Variants in PTPRZ1 observed in about 807,000 individuals in gnomAD.
PTPRZ1 encodes protein tyrosine phosphatase receptor type Z1, also known as receptor-type tyrosine-protein phosphatase zeta.
PTPRZ1 carries 82 observed loss-of-function variants against 214.1 expected under a neutral mutation model. The observed-to-expected ratio is 0.38, with a 90% CI of 0.32 to 0.46. The LOEUF (loss-of-function observed/expected upper bound fraction) is 0.46. PTPRZ1 is among the 20% of genes least tolerant of loss of function. The pLI is 1.00. For missense variants in PTPRZ1, 2,603 were observed against 2,748.7 expected (o/e 0.95, Z 1.19); for synonymous variants, 945 against 987.9 (o/e 0.96, Z 0.81).
chr7:122,026,743 A>G (rs1462059012), intron 13 of PTPRZ1, among the ~76,000 whole-genome samples: 1 of 152,178 alleles, frequency 6.6e-6, no homozygotes, highest in Non-Finnish European at 1.5e-5. Context: ...TGATTATCAA[A>G]GGCTTATACT....
At chr7:121,929,517 AAAC>A (rs1358223181) in intron 2 of PTPRZ1, among the ~76,000 whole-genome samples, 1 of 151,736 alleles carries the variant, frequency 6.6e-6, no homozygotes, top group African/African-American at 2.4e-5. Context: ...AAAAAAAAAA[AAAC>A]TTTCAAGCCA....
At chr7:122,034,058 G>T (rs2150471884) in intron 15 of PTPRZ1, 37 bp from the exon 16 acceptor site, 1 of 1,559,166 alleles carries the variant, frequency 6.4e-7, no homozygotes, top group South Asian at 1.1e-5. Context: ...TGTGGAATTT[G>T]ATTTCTTTAC....
chr7:121,880,906 G>A (rs578058933), intron 1 of PTPRZ1, among the ~76,000 whole-genome samples: 6 of 152,234 alleles, frequency 3.9e-5, no homozygotes, highest in Admixed American at 3.3e-4. Flanking sequence ...GAGCATGTGG[G>A]ATATTATTGT....
chr7:121,968,840 ATAG>A (rs1266363577), intron 3 of PTPRZ1, among the ~76,000 whole-genome samples: 1 of 152,154 alleles, frequency 6.6e-6, no homozygotes, highest in Non-Finnish European at 1.5e-5. Flanking sequence ...CAAAATTATA[ATAG>A]TAGCTCTATG....
At chr7:121,967,053 A>AAGTAGAATATACCTGTGCTT (rs1228508400) in intron 2 of PTPRZ1, 1 of 152,170 alleles carries the variant, frequency 6.6e-6, no homozygotes, top group East Asian at 1.9e-4. Flanking sequence ...AAAGAACTTT[A>AAGTAGAATATACCTGTGCTT]AGTAGAATAT....
At chr7:121,911,841 A>G (rs1386894486) in intron 1 of PTPRZ1, among the ~76,000 whole-genome samples, 13 of 152,046 alleles carry the variant, frequency 8.6e-5, no homozygotes, top group Non-Finnish European at 1.2e-4. Context: ...AAGCTATTCA[A>G]TATCTCAATA....
intron 2 of PTPRZ1, among the ~76,000 whole-genome samples, chr7:121,951,783 C>T (rs185270109): frequency 1.1e-4 from 16 of 152,252 alleles, no homozygotes; most frequent in East Asian, 7.7e-4. Flanking sequence ...TCCTTTGCCC[C>T]AGCTTCCTGA....
chr7:121,976,220 A>C lies in PTPRZ1; in HGVS notation c.504A>C (p.Glu168Asp), dbSNP rs1257076255. Residue 168 changes from glutamate to aspartate, a missense_variant, in exon 5 of 30, where the codon GAA (glutamate) becomes GAC (aspartate). Physicochemically the swap from Glu to Asp is conservative, Grantham distance 45. This residue lies in a region of PTPRZ1 where 244 missense variants were observed against 333.2 expected (regional missense o/e 0.73). Coordinates refer to ENST00000393386, the MANE Select transcript of PTPRZ1 (RefSeq NM_002851.3). ...CGGACCGATTTTCAAGTTTTGAGGA[A>C]GCAGTCAAAGGAAAAGGGAAGTTAA... ...FDADRFSSFE[E>D]AVKGKGKLRA... 2.5e-6 allele frequency: 4 copies of C among 1,609,156 alleles called. No individual in the cohort carries two copies. The highest frequency in any genetic ancestry group is 3.4e-6 in the Non-Finnish European group (4 of 1,176,950).
At chr7:122,051,269 G>A (rs1792173385) in intron 23 of PTPRZ1, among the ~76,000 whole-genome samples, 159 bp from the exon 24 acceptor site, 1 of 152,004 alleles carries the variant, frequency 6.6e-6, no homozygotes, top group East Asian at 1.9e-4. Flanking sequence ...CTAAAACAAG[G>A]TTAAATTCAA....
At chr7:121,893,982 C>T (rs1033309922) in intron 1 of PTPRZ1, among the ~76,000 whole-genome samples, 15 of 152,110 alleles carry the variant, frequency 9.9e-5, no homozygotes, top group East Asian at 1.9e-4. Flanking sequence ...ACAACCCGAT[C>T]GTGTGCACAG....
rs533118880 is a variant in PTPRZ1, at chr7:122,049,976, G to A, written c.6085-1452G>A. ...TGTTATGTGGTAGAGTTAACATTAC[G>A]TATCAGTGAAGAAACAGCAGATTAA... On this transcript the variant is annotated intron_variant, in intron 23 of 29. Transcript: ENST00000393386. 1.1e-4 allele frequency among the ~76,000 whole-genome samples: 16 copies of A among 152,246 alleles called. No homozygotes were observed. The South Asian group carries it at 2.5e-3, about 24-fold the overall frequency.
chr7:121,934,594 C>T lies in PTPRZ1; in HGVS notation c.124+6373C>T, dbSNP rs959517117. Among the ~76,000 whole-genome samples, 10 of 150,792 alleles carry T rather than the reference C, an allele frequency of 6.6e-5. No homozygotes were observed. In the South Asian group the frequency reaches 8.4e-4, roughly 13 times the overall value. On this transcript the variant is annotated intron_variant, in intron 2 of 29. Coordinates refer to ENST00000393386, the MANE Select transcript of PTPRZ1 (RefSeq NM_002851.3). ...TTGTGTGCAGATCAAATAGATGCTT[C>T]ACATTGTTGCAGAAAAGCTCTTTGA...
chr7:122,009,728 A>C (rs1161532984), intron 11 of PTPRZ1, among the ~76,000 whole-genome samples: 1 of 152,094 alleles, frequency 6.6e-6, no homozygotes, highest in African/African-American at 2.4e-5. Context: ...TAGGAGTAGA[A>C]TCATATATTG....
intron 1 of PTPRZ1, among the ~76,000 whole-genome samples, chr7:121,899,118 T>C (rs1353338306): frequency 2.0e-5 from 3 of 152,222 alleles, no homozygotes; most frequent in Admixed American, 1.3e-4. Flanking sequence ...AAACATTTTG[T>C]AGTTTCAAAA....
rs1486764456 is a variant in PTPRZ1 at position 122,013,555 on chromosome 7, T to C, written c.4509T>C (p.Gly1503=). The C allele has an allele frequency of 6.2e-7, 1 of 1,614,068 alleles. No homozygotes were observed. The highest frequency in any genetic ancestry group is 2.2e-5 in the East Asian group (1 of 44,884). Residue 1503 remains glycine (G), a synonymous_variant, in exon 12 of 30, where the codon GGT becomes GGC. Coordinates refer to ENST00000393386, the MANE Select transcript of PTPRZ1 (RefSeq NM_002851.3). ...AAACTGGTATGGACAGAAGTCCTGG[T>C]AAATCACCATCAGCAAATGGGCTAT... ...DSQTGMDRSP[G]KSPSANGLSQ...
At position 122,012,473 on chromosome 7, in the gene PTPRZ1, G is replaced by C. The variant is rs1221684362; in HGVS notation, c.3427G>C (p.Val1143Leu). 6 of 1,613,876 alleles carry C rather than the reference G, an allele frequency of 3.7e-6. No homozygotes were observed. The South Asian group carries it at 6.6e-5, about 18-fold the overall frequency. The change falls in exon 12 of 30, where the codon GTG (valine) becomes CTG (leucine). Residue 1143 changes from valine (V) to leucine (L), a missense_variant. Transcript: ENST00000393386. ...QASGDTSLKP[V>L]LSANSEPASS... ...ATCTGGTGACACTTCGCTTAAACCT[G>C]TGCTTAGTGCAAACTCAGAGCCAGC...
At chr7:121,965,699 A>G (rs1262883870) in intron 2 of PTPRZ1, among the ~76,000 whole-genome samples, 1 of 152,204 alleles carries the variant, frequency 6.6e-6, no homozygotes, top group Non-Finnish European at 1.5e-5. Context: ...GGAATTGTAC[A>G]GGATGATTAC....
intron 1 of PTPRZ1, among the ~76,000 whole-genome samples, chr7:121,879,494 A>G (rs1013866431): frequency 2.6e-5 from 4 of 152,228 alleles, no homozygotes; most frequent in African/African-American, 9.6e-5. Context: ...TAGTGACACA[A>G]AACAGTTTTG....
Position 122,039,454 on chromosome 7 carries a change from A to G in PTPRZ1, c.5503A>G (p.Arg1835Gly). ...GTAACATCTACATTTTCTTTTGCAG[A>G]GAAAATGTGATCAGTACTGGCCTGC... The part of the protein sequence containing the change: ...MITNLVEKGR[R>G]KCDQYWPADG... Residue 1835 changes from arginine (R) to glycine (G), a missense_variant and splice_region_variant, in exon 20 of 30, where the codon AGA becomes GGA. Coordinates refer to ENST00000393386, the MANE Select transcript of PTPRZ1 (RefSeq NM_002851.3). 6.2e-7 allele frequency: 1 copy of G among 1,605,740 alleles called. No homozygotes were observed. Among genetic ancestry groups the G allele is most frequent in the East Asian group, 2.2e-5 (1 of 44,804 alleles).
Sources: gnomAD v4.1 joint callset for allele counts (sites outside exome capture counted in the v4.1 genomes callset) on GRCh38, gnomAD v4.1.1 for gene constraint, gnomAD v4.1.1 regional missense constraint, MANE v1.5 for transcripts, NCBI Gene and HGNC (gene_info 2026-07-23, HGNC 2026-07-21) for gene names.